Variants in LRP1B observed in about 807,000 individuals in gnomAD.
LRP1B encodes the protein low-density lipoprotein receptor-related protein 1B.
In LRP1B, 217 loss-of-function variants were observed where a neutral mutation model predicts 556.6. The observed-to-expected ratio is 0.39, with a 90% CI of 0.35 to 0.44. The LOEUF (loss-of-function observed/expected upper bound fraction) is 0.44. Among genes scored for constraint, LRP1B ranks in the 20% least tolerant of loss-of-function variants. LRP1B has a pLI of 1.00. For missense variants in LRP1B, 5,053 were observed against 5,620.8 expected (o/e 0.90, Z 3.23); for synonymous variants, 2,047 against 1,865.8 (o/e 1.10, Z -2.50).
chr2:140,809,413 G>T (rs1048894099), intron 32 of LRP1B, among the ~76,000 whole-genome samples: 5 of 151,956 alleles, frequency 3.3e-5, no homozygotes, highest in African/African-American at 1.2e-4. Context: ...ACCATAAGTG[G>T]GACTTTCATT....
At chr2:141,591,939 T>C (rs774563516) in intron 2 of LRP1B, among the ~76,000 whole-genome samples, 5 of 152,112 alleles carry the variant, frequency 3.3e-5, no homozygotes, top group Non-Finnish European at 5.9e-5. Flanking sequence ...GGCCCAATTG[T>C]TCAGAATCTA....
intron 77 of LRP1B, among the ~76,000 whole-genome samples, chr2:140,337,396 AAAT>A (rs1312094066): frequency 6.6e-6 from 1 of 152,000 alleles, no homozygotes; most frequent in African/African-American, 2.4e-5. Context: ...AATGTCATAT[AAAT>A]AATATTCATA....
In LRP1B at chr2:142,007,511, G is replaced by T. The variant is rs377101098; in HGVS notation, c.82+123137C>A. Among the ~76,000 whole-genome samples, 20 of 152,220 alleles carry T rather than the reference G, an allele frequency of 1.3e-4. No individual in the cohort carries two copies. In the East Asian group the frequency reaches 3.7e-3, roughly 28 times the overall value. The stretch of plus-strand genomic sequence containing the variant: ...AAAAGTGGACTCACCTACAGAATAC[G>T]AATGGGTTCTCAGTGTACATTACCT... On this transcript the variant is annotated intron_variant, in intron 1 of 90. Transcript: ENST00000389484.
At chr2:141,406,174 C>T (rs771438748) in intron 3 of LRP1B, among the ~76,000 whole-genome samples, 1 of 151,984 alleles carries the variant, frequency 6.6e-6, no homozygotes, top group Non-Finnish European at 1.5e-5. Flanking sequence ...AGCTTTTATT[C>T]CTAATCACTG....
At chr2:140,350,547 G>A (rs923041116) in intron 77 of LRP1B, among the ~76,000 whole-genome samples, 1 of 151,996 alleles carries the variant, frequency 6.6e-6, no homozygotes, top group African/African-American at 2.4e-5. Context: ...GATGTTATAT[G>A]TCATTCATTA....
chr2:141,370,980 C>CTCTTT (rs1689209033), intron 3 of LRP1B, among the ~76,000 whole-genome samples: 1 of 151,912 alleles, frequency 6.6e-6, no homozygotes, highest in African/African-American at 2.4e-5. Flanking sequence ...TTTCTGAGTT[C>CTCTTT]TCTTTTCTTT....
chr2:140,350,894 C>G lies in LRP1B; in HGVS notation c.11795G>C (p.Arg3932Thr), dbSNP rs765298928. ...RITGMDVYYQRDMIIWSTQFN... is the reference protein window; with the variant it reads ...RITGMDVYYQTDMIIWSTQFN... ...CTGAGTACTCCAAATAATCATATCT[C>G]TTTGATAATATACATCCATCCCTGT... The change falls in exon 77 of 91, where the codon AGA becomes ACA. Residue 3932 changes from arginine to threonine, a missense_variant. Arg to Thr is a moderately conservative substitution (Grantham distance 71, BLOSUM62 -1). This residue lies in a region of LRP1B where 599 missense variants were observed against 648.4 expected (regional missense o/e 0.92). Transcript: ENST00000389484. 4 of 1,610,594 alleles carry G rather than the reference C, an allele frequency of 2.5e-6. No individual in the cohort carries two copies. In the Admixed American group the frequency reaches 5.0e-5, roughly 20 times the overall value.
chr2:141,500,079 C>A (rs1015187698), intron 2 of LRP1B, among the ~76,000 whole-genome samples: 1 of 152,194 alleles, frequency 6.6e-6, no homozygotes, highest in South Asian at 2.1e-4. Flanking sequence ...GGTGTTTCTG[C>A]TCTTTTCTCC....
intron 32 of LRP1B, among the ~76,000 whole-genome samples, chr2:140,790,940 ATT>A (rs201743296): frequency 0.42 from 60,507 of 143,140 alleles, 13,886 homozygotes; most frequent in East Asian, 0.57. Flanking sequence ...GTCTCTACAA[ATT>A]TTTTTTTTTT....
chr2:141,023,289 A>C (rs1573991762), intron 11 of LRP1B, among the ~76,000 whole-genome samples: 3 of 151,930 alleles, frequency 2.0e-5, no homozygotes, highest in African/African-American at 7.2e-5. Context: ...ATCTCATTCA[A>C]ATTTAGGATT....
At chr2:140,306,072 T>A (rs576322537) in intron 83 of LRP1B, among the ~76,000 whole-genome samples, 1 of 131,242 alleles carries the variant, frequency 7.6e-6, no homozygotes, top group East Asian at 2.1e-4. Flanking sequence ...TTATTCAGGA[T>A]TTTTGCATCG....
intron 89 of LRP1B, 103 bp downstream of exon 89, chr2:140,238,049 T>C: frequency 9.7e-7 from 1 of 1,028,856 alleles, no homozygotes; most frequent in Non-Finnish European, 1.4e-6. Flanking sequence ...TCCCTTATTC[T>C]AACTTCAGAT....
intron 1 of LRP1B, among the ~76,000 whole-genome samples, chr2:141,892,747 G>A (rs1289563987): frequency 6.6e-6 from 1 of 152,090 alleles, no homozygotes; most frequent in Non-Finnish European, 1.5e-5. Context: ...ATGGTGAAGA[G>A]TCTTTCTCTT....
chr2:141,318,895 C>T (rs1220142009), intron 3 of LRP1B, among the ~76,000 whole-genome samples: 6 of 152,090 alleles, frequency 3.9e-5, no homozygotes, highest in Non-Finnish European at 8.8e-5. Context: ...CATTTAAAAA[C>T]TAGATCACTG....
chr2:140,291,042 T>C (rs1183075435), intron 84 of LRP1B, among the ~76,000 whole-genome samples: 2 of 151,864 alleles, frequency 1.3e-5, no homozygotes, highest in Admixed American at 6.6e-5. Context: ...AGGATACATA[T>C]TCACATATTA....
chr2:141,296,256 G>T (rs1686179841), intron 3 of LRP1B, among the ~76,000 whole-genome samples: 1 of 152,104 alleles, frequency 6.6e-6, no homozygotes, highest in Non-Finnish European at 1.5e-5. Flanking sequence ...AAAAGCAAAA[G>T]CTATATCAAA....
chr2:141,570,576 A>G (rs1686489688), intron 2 of LRP1B, among the ~76,000 whole-genome samples: 1 of 149,984 alleles, frequency 6.7e-6, no homozygotes, highest in African/African-American at 2.4e-5. Context: ...GCTGCCTGCT[A>G]TCTAAACAGT....
intron 62 of LRP1B, among the ~76,000 whole-genome samples, chr2:140,451,701 A>G (rs1686892515): frequency 6.6e-6 from 1 of 152,154 alleles, no homozygotes; most frequent in African/African-American, 2.4e-5. Flanking sequence ...CCTAGTAAAT[A>G]CACATGATCT....
intron 20 of LRP1B, among the ~76,000 whole-genome samples, chr2:140,929,060 T>C (rs946259142): frequency 2.0e-5 from 3 of 152,136 alleles, no homozygotes; most frequent in South Asian, 2.1e-4. Flanking sequence ...TTTACATTGC[T>C]TAAAGTTTTT....
Sources: allele counts gnomAD v4.1 joint callset (sites outside exome capture counted in the v4.1 genomes callset), GRCh38; gene constraint gnomAD v4.1.1; regional missense constraint gnomAD v4.1.1; transcripts MANE v1.5; gene names NCBI Gene and HGNC (gene_info 2026-07-23, HGNC 2026-07-21).